ZNF519: variants seen among roughly 807,000 people sequenced by gnomAD.
The protein encoded by ZNF519 is zinc finger protein 519.
In ZNF519, 7 loss-of-function variants were observed where a neutral mutation model predicts 7.4. The observed-to-expected ratio is 0.94, with a 90% confidence interval of 0.54 to 1.77. The LOEUF (loss-of-function observed/expected upper bound fraction) is 1.77. ZNF519 is among the 40% of genes most tolerant of loss of function. The pLI is 0.00. For synonymous variants in ZNF519, 179 were observed against 203.3 expected (o/e 0.88, Z 1.02); for missense variants, 586 against 623.1 (o/e 0.94, Z 0.63).
chr18:14,126,658 C>G (rs909507231), intron 1 of ZNF519, among the ~76,000 whole-genome samples: 4 of 152,190 alleles, frequency 2.6e-5, no homozygotes. Flanking sequence ...AAGCAGGTAG[C>G]TTATTGACCA....
intron 2 of ZNF519, among the ~76,000 whole-genome samples, chr18:14,115,889 G>A (rs1279766259): frequency 6.6e-6 from 1 of 152,128 alleles, no homozygotes; most frequent in African/African-American, 2.4e-5. Flanking sequence ...ACTGTGTCAG[G>A]GGCTAAGTGG....
intron 1 of ZNF519, 106 bp downstream of exon 1, chr18:14,132,169 C>G: frequency 7.3e-7 from 1 of 1,362,014 alleles, no homozygotes; most frequent in Non-Finnish European, 1.1e-6. Context: ...GGACTGAGGG[C>G]TGAGCTGCAG....
downstream of ZNF519, among the ~76,000 whole-genome samples, chr18:14,099,420 T>C (rs1257690255): frequency 6.6e-6 from 1 of 152,168 alleles, no homozygotes; most frequent in African/African-American, 2.4e-5. Flanking sequence ...AGCTGCCCAA[T>C]AAAAGCATTT....
intron 3 of ZNF519, among the ~76,000 whole-genome samples, chr18:14,081,524 T>C (rs2143080604): frequency 6.6e-6 from 1 of 152,340 alleles, no homozygotes; most frequent in South Asian, 2.1e-4. Flanking sequence ...GAAATATTTT[T>C]TGTGTAAGGT....
At chr18:14,106,788 A>G (rs2046195310) in intron 2 of ZNF519, among the ~76,000 whole-genome samples, 1 of 152,092 alleles carries the variant, frequency 6.6e-6, no homozygotes, top group South Asian at 2.1e-4. Context: ...TAGAAGCTGT[A>G]CACTTGGGAG....
downstream of ZNF519, among the ~76,000 whole-genome samples, chr18:14,097,133 C>T (rs543340867): frequency 6.6e-6 from 1 of 152,124 alleles, no homozygotes; most frequent in Admixed American, 6.5e-5. Context: ...GAAGTAGTTC[C>T]TTTTGGCTAC....
downstream of ZNF519, among the ~76,000 whole-genome samples, chr18:14,097,283 A>G (rs898857344): frequency 6.6e-6 from 1 of 152,220 alleles, no homozygotes; most frequent in Non-Finnish European, 1.5e-5. Flanking sequence ...TCACTAAAAT[A>G]CTAGTATTTT....
chr18:14,115,046 C>A (rs1306954976), intron 2 of ZNF519, among the ~76,000 whole-genome samples: 2 of 152,296 alleles, frequency 1.3e-5, no homozygotes, highest in South Asian at 2.1e-4. Flanking sequence ...ATGCACTTAA[C>A]ACCACGTTGA....
Position 14,101,548 on chromosome 18 carries a change from T to C in ZNF519, c.*3369A>G, listed in dbSNP as rs1357001669. The C allele has an allele frequency of 5.0e-6, 2 of 397,272 alleles. No individual in the cohort carries two copies. Among genetic ancestry groups the C allele is most frequent in the African/African-American group, 2.1e-5 (1 of 48,596 alleles). 24.6% of individuals were successfully genotyped at this position (397,272 alleles called of 1,614,324 possible). A position where few individuals can be genotyped will look rare whatever the true frequency, so the allele number is the denominator to read the frequency against. ...GACTCAGGGTCCCTTGGATTAAAAC[T>C]GTGGGTCACTCAATAGGGAAAGCCA... is the stretch of plus-strand genomic sequence containing the variant. On this transcript the variant is annotated 3_prime_UTR_variant, in exon 3 of 3. Coordinates refer to ENST00000590202, the MANE Select transcript of ZNF519 (RefSeq NM_145287.4).
At chr18:14,088,477 C>G (rs1338679183) in intron 2 of ZNF519, among the ~76,000 whole-genome samples, 3 of 152,098 alleles carry the variant, frequency 2.0e-5, no homozygotes, top group Non-Finnish European at 4.4e-5. Context: ...TTTTATTGTT[C>G]ATGGCTAAGT....
Position 14,101,578 on chromosome 18 carries a change from A to G in ZNF519, c.*3339T>C. The G allele has an allele frequency of 5.0e-6, 2 of 398,180 alleles. No individual in the cohort carries two copies. Among genetic ancestry groups the G allele is most frequent in the Non-Finnish European group, 8.9e-6 (2 of 225,914 alleles). The allele number at this position is 398,180 out of a possible 1,614,324, so 24.7% of individuals were successfully genotyped here. On this transcript the variant is annotated 3_prime_UTR_variant, in exon 3 of 3. Coordinates refer to ENST00000590202, the MANE Select transcript of ZNF519 (RefSeq NM_145287.4). ...GTCACTCAATAGGGAAAGCCAAGGC[A>G]CAAAGTCCTGTGAGTCATCAAGGTG...
chr18:14,096,001 G>C (rs1169800802), downstream of ZNF519, among the ~76,000 whole-genome samples: 1 of 152,218 alleles, frequency 6.6e-6, no homozygotes, highest in African/African-American at 2.4e-5. Context: ...GCAGTGGTGT[G>C]AGCTGGAACA....
chr18:14,128,739 T>A (rs2046314812), intron 1 of ZNF519, among the ~76,000 whole-genome samples: 1 of 135,680 alleles, frequency 7.4e-6, no homozygotes, highest in Admixed American at 7.4e-5. Context: ...CCAAATGACC[T>A]ATTTAACTGA....
rs1315857429 is a variant in ZNF519, at chr18:14,119,122, T to C, written c.130+5228A>G. On this transcript the variant is annotated intron_variant, in intron 2 of 2. Coordinates refer to ENST00000590202, the MANE Select transcript of ZNF519 (RefSeq NM_145287.4). ...AGGTCCCAAAAAGAATCCATGACTA[T>C]CCTAATCTCTGGTAACAGGACCATC... 3.3e-5 allele frequency among the ~76,000 whole-genome samples: 5 copies of C among 152,114 alleles called. No homozygotes were observed. In the East Asian group the frequency reaches 9.6e-4, roughly 29 times the overall value.
In ZNF519 at chr18:14,101,995, G is replaced by T. The variant is rs1476812100; in HGVS notation, c.*2922C>A. On this transcript the variant is annotated 3_prime_UTR_variant, in exon 3 of 3. Coordinates refer to ENST00000590202, the MANE Select transcript of ZNF519 (RefSeq NM_145287.4). ...TTCTCTAATATTCAGGAATAAAGAG[G>T]TTTCCTACTGATTATGTTTTTTGAG... 1 of 351,842 alleles carries T rather than the reference G, an allele frequency of 2.8e-6. No individual in the cohort carries two copies. Among genetic ancestry groups the T allele is most frequent in the Non-Finnish European group, 5.0e-6 (1 of 198,118 alleles). 21.8% of individuals were successfully genotyped at this position (351,842 alleles called of 1,614,324 possible). A position where few individuals can be genotyped will look rare whatever the true frequency, so the allele number is the denominator to read the frequency against.
chr18:14,093,877 A>G (rs897952053), intron 2 of ZNF519, among the ~76,000 whole-genome samples: 11 of 152,228 alleles, frequency 7.2e-5, no homozygotes, highest in African/African-American at 2.7e-4. Flanking sequence ...TACACATCCA[A>G]TTAGGTTATG....
chr18:14,086,306 C>T (rs373916931), intron 2 of ZNF519, among the ~76,000 whole-genome samples: 1 of 152,176 alleles, frequency 6.6e-6, no homozygotes, highest in East Asian at 1.9e-4. Flanking sequence ...CATGTCCCAG[C>T]CCACATCACC....
downstream of ZNF519, among the ~76,000 whole-genome samples, chr18:14,096,766 T>C (rs1262361314): frequency 6.6e-6 from 1 of 152,188 alleles, no homozygotes; most frequent in Non-Finnish European, 1.5e-5. Flanking sequence ...ATCTCTCTTG[T>C]GCAAAACAGA....
At chr18:14,093,394 T>C (rs1278259894) in intron 2 of ZNF519, among the ~76,000 whole-genome samples, 1 of 152,226 alleles carries the variant, frequency 6.6e-6, no homozygotes, top group Admixed American at 6.5e-5. Context: ...TAGTATATTG[T>C]TGATTAAAAT....
Sources: gnomAD v4.1 joint callset for allele counts (sites outside exome capture counted in the v4.1 genomes callset) on GRCh38, gnomAD v4.1.1 for gene constraint, MANE v1.5 for transcripts, NCBI Gene and HGNC (gene_info 2026-07-23, HGNC 2026-07-21) for gene names.